Variants in PCDHGA6 observed in about 807,000 individuals in gnomAD.
PCDHGA6 encodes protocadherin gamma subfamily A, 6.
PCDHGA6 carries 41 observed loss-of-function variants against 60.6 expected under a neutral mutation model. The observed-to-expected ratio is 0.68, with a 90% confidence interval of 0.53 to 0.88. The LOEUF is 0.88. Ranked by LOEUF, PCDHGA6 falls within the 40% of genes least tolerant of loss-of-function variation. The pLI is 0.00. For missense variants in PCDHGA6, 1,312 were observed against 1,203.0 expected, an observed-to-expected ratio of 1.09 and a Z score of -1.34; for synonymous variants, 594 against 524.4, an observed-to-expected ratio of 1.13 and a Z score of -1.81.
At chr5:141,469,373 G>A (rs532041259) in intron 1 of PCDHGA6, among the ~76,000 whole-genome samples, 3 of 151,992 alleles carry the variant, frequency 2.0e-5, no homozygotes, top group South Asian at 2.1e-4. Context: ...TAAAGAGATC[G>A]AGACCATCCT....
chr5:141,378,596 C>T (rs866872764), intron 1 of PCDHGA6: 2 of 152,150 alleles, frequency 1.3e-5, no homozygotes, highest in Non-Finnish European at 2.9e-5. Context: ...TGTCTGCTTA[C>T]AGGACATATC....
intron 1 of PCDHGA6, chr5:141,385,324 G>A (rs1781124607): frequency 1.2e-6 from 2 of 1,607,160 alleles, no homozygotes; most frequent in Non-Finnish European, 1.7e-6. Flanking sequence ...AAGTATTCAG[G>A]TGAGCCCAGC....
intron 1 of PCDHGA6, chr5:141,388,948 T>A (rs751779962): frequency 1.9e-6 from 3 of 1,614,022 alleles, no homozygotes; most frequent in Non-Finnish European, 2.5e-6. Context: ...AACCTAATTA[T>A]GGAGGACGCC....
intron 1 of PCDHGA6, among the ~76,000 whole-genome samples, chr5:141,435,790 A>G (rs1336963117): frequency 2.0e-5 from 3 of 152,168 alleles, no homozygotes; most frequent in African/African-American, 7.2e-5. Flanking sequence ...GCAGGGAAAC[A>G]TAACGTCCCA....
chr5:141,387,742 C>T, intron 1 of PCDHGA6: 5 of 1,340,938 alleles, frequency 3.7e-6, no homozygotes, highest in Non-Finnish European at 5.0e-6. Context: ...CTTTACACCG[C>T]TTCCTCCTCG....
intron 1 of PCDHGA6, among the ~76,000 whole-genome samples, chr5:141,452,137 GT>G (rs2098734666): frequency 6.6e-6 from 1 of 152,044 alleles, no homozygotes; most frequent in Non-Finnish European, 1.5e-5. Flanking sequence ...TGGCTCATGT[GT>G]TTTTTCCAAT....
In PCDHGA6 at chr5:141,471,102, G is replaced by A. The variant is rs922174682; in HGVS notation, c.2425-23705G>A. 3.4e-5 allele frequency among the ~76,000 whole-genome samples: 5 copies of A among 146,522 alleles called. No individual in the cohort carries two copies. The Admixed American group carries it at 3.5e-4, about 10-fold the overall frequency. On this transcript the variant is annotated intron_variant, in intron 1 of 3. Coordinates refer to ENST00000517434, the MANE Select transcript of PCDHGA6 (RefSeq NM_018919.3). ...CTCCCTCTGTTGTCCAGGCTAGAGTGCAGTGGTGCGATCTTACCTTCACTG... is the reference window on the plus strand; with the variant it reads ...CTCCCTCTGTTGTCCAGGCTAGAGTACAGTGGTGCGATCTTACCTTCACTG...
At chr5:141,392,559 A>T in intron 1 of PCDHGA6, 2 of 384,544 alleles carry the variant, frequency 5.2e-6, no homozygotes, top group Non-Finnish European at 4.6e-6. Context: ...ATCTCAGTGC[A>T]GTAACTATTT....
chr5:141,404,745 C>T, intron 1 of PCDHGA6: 1 of 1,613,966 alleles, frequency 6.2e-7, no homozygotes, highest in Non-Finnish European at 8.5e-7. Flanking sequence ...GACAGAGACT[C>T]AGGCCAGAAT....
chr5:141,427,819 T>C, intron 1 of PCDHGA6: 1 of 1,531,664 alleles, frequency 6.5e-7, no homozygotes, highest in Non-Finnish European at 8.9e-7. Context: ...AGCGGGGTGG[T>C]GGTCGCGCAG....
rs750774158 is a variant in PCDHGA6 at position 141,389,140 on chromosome 5, C to A, written c.2424+12633C>A. 3.1e-6 allele frequency: 5 copies of A among 1,613,878 alleles called. No homozygotes were observed. In the Admixed American group the frequency reaches 8.3e-5, roughly 27 times the overall value. On this transcript the variant is annotated intron_variant, in intron 1 of 3. Coordinates refer to ENST00000517434, the MANE Select transcript of PCDHGA6 (RefSeq NM_018919.3). ...GAGCAGAATCCAGAGTACAATATAA[C>A]CGTTACGGCAACAGATCGGGGCAAG...
At chr5:141,409,752 A>T in intron 1 of PCDHGA6, 3 of 1,613,020 alleles carry the variant, frequency 1.9e-6, no homozygotes, top group Non-Finnish European at 2.5e-6. Context: ...GTGTTCGCGC[A>T]GCGCGCCTTT....
intron 1 of PCDHGA6, chr5:141,418,005 A>G: frequency 6.2e-7 from 1 of 1,613,764 alleles, no homozygotes. Flanking sequence ...GTGGTGGGGA[A>G]CCTCGCTAAG....
intron 1 of PCDHGA6, chr5:141,410,800 T>G: frequency 1.5e-6 from 1 of 678,550 alleles, no homozygotes. Context: ...TAAGTTGCTC[T>G]ATCTTTTTGT....
intron 1 of PCDHGA6, chr5:141,423,905 G>T: frequency 7.9e-7 from 1 of 1,273,594 alleles, no homozygotes; most frequent in Non-Finnish European, 9.9e-7. Flanking sequence ...GATTTCAAAG[G>T]GGCCATTCAA....
In PCDHGA6 at chr5:141,499,962, A is replaced by G. The variant is rs147527188; in HGVS notation, c.2483+5097A>G. Among the ~76,000 whole-genome samples the G allele has an allele frequency of 3.7e-3, 563 of 152,178 alleles. 5 individuals are homozygous for G. Among genetic ancestry groups the G allele is most frequent in the Admixed American group, 0.011 (164 of 15,288 alleles). On this transcript the variant is annotated intron_variant, in intron 2 of 3. Coordinates refer to ENST00000517434, the MANE Select transcript of PCDHGA6 (RefSeq NM_018919.3). ...CTCGGCCTCCCAAAATGTTGGGATT[A>G]CAGGTGTGAGCCACCTTGCCCGGCC...
intron 1 of PCDHGA6, chr5:141,385,030 C>T (rs1448535123): frequency 6.2e-7 from 1 of 1,614,070 alleles, no homozygotes; most frequent in Non-Finnish European, 8.5e-7. Flanking sequence ...CGTCCTCGTA[C>T]TGCTGGCGCT....
chr5:141,403,986 C>A (rs367739607), intron 1 of PCDHGA6: 12 of 1,613,586 alleles, frequency 7.4e-6, no homozygotes, highest in Admixed American at 1.7e-5. Flanking sequence ...GACAATAGAC[C>A]TGAAGTGACC....
At chr5:141,393,592 G>A (rs200863279) in intron 1 of PCDHGA6, 127 of 1,613,790 alleles carry the variant, frequency 7.9e-5, no homozygotes, top group Non-Finnish European at 1.0e-4. Context: ...CCAGGCACGC[G>A]GCTGCTTACT....
Sources: allele counts gnomAD v4.1 joint callset (sites outside exome capture counted in the v4.1 genomes callset), GRCh38; gene constraint gnomAD v4.1.1; transcripts MANE v1.5; gene names NCBI Gene and HGNC (gene_info 2026-07-23, HGNC 2026-07-21).